RRM2B: variants seen among roughly 807,000 people sequenced by gnomAD.
The protein encoded by RRM2B is ribonucleotide reductase regulatory TP53 inducible subunit M2B.
Under a neutral mutation model 45.9 loss-of-function variants are expected in RRM2B, and 20 were observed. The ratio of observed to expected loss-of-function variants is 0.44; its 90% CI spans 0.31 to 0.63. The LOEUF is 0.63. Among genes scored for constraint, RRM2B ranks in the 30% least tolerant of loss-of-function variants. The pLI, the probability that RRM2B is intolerant of heterozygous loss-of-function variation, is 0.09. For missense variants in RRM2B, 320 were observed against 414.7 expected (o/e 0.77, Z 1.98); for synonymous variants, 124 against 132.3 (o/e 0.94, Z 0.43).
At position 102,204,528 on chromosome 8, in the gene RRM2B, G is replaced by A. The variant is rs1044024621; in HGVS notation, c.*3605C>T. The A allele has an allele frequency of 2.0e-5, 3 of 152,004 alleles. No homozygotes were observed. The highest frequency in any genetic ancestry group is 7.3e-5 in the African/African-American group (3 of 41,374). 9.4% of individuals were successfully genotyped at this position (152,004 alleles called of 1,614,324 possible). ...TAAGTATATACATTCCTTTATTAGG[G>A]TAGCCCTTGCACTTATAAAGAAACC... is the stretch of plus-strand genomic sequence containing the variant. On this transcript the variant is annotated 3_prime_UTR_variant, in exon 9 of 9. Coordinates refer to ENST00000251810, the MANE Select transcript of RRM2B (RefSeq NM_015713.5).
At chr8:102,225,765 T>C (rs1019858639) in intron 3 of RRM2B, among the ~76,000 whole-genome samples, 153 bp downstream of exon 3, 9 of 152,226 alleles carry the variant, frequency 5.9e-5, no homozygotes, top group Admixed American at 1.3e-4. Context: ...GGTCAAAGGA[T>C]AAGCAATTCA....
intron 2 of RRM2B, among the ~76,000 whole-genome samples, chr8:102,229,280 A>C (rs112017108): frequency 0.054 from 8,056 of 148,238 alleles, 292 homozygotes; most frequent in Admixed American, 0.096. Context: ...ACAACAAAAA[A>C]AAAAAAACCC....
chr8:102,231,945 C>T (rs1281045128), intron 2 of RRM2B, among the ~76,000 whole-genome samples: 3 of 151,766 alleles, frequency 2.0e-5, no homozygotes, highest in Non-Finnish European at 4.4e-5. Flanking sequence ...AATTAGATGC[C>T]ATTGTTGCAG....
intron 2 of RRM2B, among the ~76,000 whole-genome samples, chr8:102,228,059 T>C (rs1323753865): frequency 6.6e-6 from 1 of 152,122 alleles, no homozygotes; most frequent in Non-Finnish European, 1.5e-5. Flanking sequence ...TGTATTCCTG[T>C]TTTCCCACTA....
At chr8:102,214,734 TG>T (rs1265719569) in intron 6 of RRM2B, among the ~76,000 whole-genome samples, 2 of 140,060 alleles carry the variant, frequency 1.4e-5, no homozygotes, top group African/African-American at 5.3e-5. Context: ...CTGGGCAACA[TG>T]GCAAAACCCA....
chr8:102,238,961 TGGTCCGCTG>T, upstream of RRM2B: 1 of 1,421,366 alleles, frequency 7.0e-7, no homozygotes. Context: ...GGTGGTCCGC[TGGTCCGCTG>T]GGTCCGCCCC....
chr8:102,238,365 A>C (rs569310468), intron 1 of RRM2B: 3 of 395,594 alleles, frequency 7.6e-6, no homozygotes, highest in Non-Finnish European at 1.4e-5. Flanking sequence ...TCTACCTGTC[A>C]TCTTCACCCC....
intron 2 of RRM2B, among the ~76,000 whole-genome samples, chr8:102,229,387 A>C (rs1810990143): frequency 6.6e-6 from 1 of 152,092 alleles, no homozygotes. Context: ...TTTTCCCACT[A>C]ATTTATTCTT....
chr8:102,237,928 C>G (rs1487150502), intron 1 of RRM2B, among the ~76,000 whole-genome samples: 4 of 152,132 alleles, frequency 2.6e-5, no homozygotes, highest in Non-Finnish European at 5.9e-5. Context: ...GTTTGTTTCC[C>G]CCAAATCTTC....
intron 5 of RRM2B, among the ~76,000 whole-genome samples, chr8:102,220,225 G>A (rs937626546): frequency 1.3e-5 from 2 of 152,094 alleles, no homozygotes; most frequent in East Asian, 1.9e-4. Context: ...GCGACAGAGT[G>A]AGCCCATCTC....
rs1271219013 is a variant in RRM2B at position 102,204,646 on chromosome 8, G to T, written c.*3487C>A. The T allele has an allele frequency of 6.8e-6, 1 of 147,784 alleles. No homozygotes were observed. The highest frequency in any genetic ancestry group is 2.5e-5 in the African/African-American group (1 of 40,140). The allele number at this position is 147,784 out of a possible 1,614,324, so 9.2% of individuals were successfully genotyped here. ...AAATAAGAAAACAACTAATTTATTT[G>T]AAAAAAAAACAAATTCTGTACATGC... On this transcript the variant is annotated 3_prime_UTR_variant, in exon 9 of 9. Transcript: ENST00000251810.
At chr8:102,227,909 G>C (rs1028102307) in intron 2 of RRM2B, among the ~76,000 whole-genome samples, 10 of 152,058 alleles carry the variant, frequency 6.6e-5, no homozygotes, top group Admixed American at 6.5e-4. Context: ...ACCTCCCAAG[G>C]CTCCACCTCC....
At chr8:102,217,253 A>G (rs1217521128) in intron 6 of RRM2B, among the ~76,000 whole-genome samples, 1 of 152,106 alleles carries the variant, frequency 6.6e-6, no homozygotes, top group Non-Finnish European at 1.5e-5. Context: ...AATGATTAAA[A>G]TATGTTTATA....
chr8:102,210,884 C>G (rs1223666528), intron 8 of RRM2B, among the ~76,000 whole-genome samples: 2 of 152,284 alleles, frequency 1.3e-5, no homozygotes, highest in Middle Eastern at 3.4e-3. Context: ...TAGGAGTCAG[C>G]CACAAGGCCC....
At chr8:102,219,395 T>A (rs1810789406) in intron 5 of RRM2B, among the ~76,000 whole-genome samples, 1 of 152,204 alleles carries the variant, frequency 6.6e-6, no homozygotes, top group South Asian at 2.1e-4. Context: ...ACCTATGGTA[T>A]CTTACAGACC....
chr8:102,216,685 G>C (rs903071991), intron 6 of RRM2B, among the ~76,000 whole-genome samples: 1 of 151,900 alleles, frequency 6.6e-6, no homozygotes, highest in South Asian at 2.1e-4. Flanking sequence ...TATTGCACCA[G>C]TAATAAAGGC....
At chr8:102,211,218 A>T (rs1221342592) in intron 8 of RRM2B, among the ~76,000 whole-genome samples, 2 of 151,998 alleles carry the variant, frequency 1.3e-5, no homozygotes, top group Non-Finnish European at 2.9e-5. Flanking sequence ...CTGGTCTCAA[A>T]CTCCTAGACT....
At chr8:102,217,428 GA>G (rs1447725203) in intron 6 of RRM2B, among the ~76,000 whole-genome samples, 1 of 151,946 alleles carries the variant, frequency 6.6e-6, no homozygotes, top group Non-Finnish European at 1.5e-5. Context: ...TTAAAGCCAT[GA>G]AAAAGCAAAA....
intron 5 of RRM2B, among the ~76,000 whole-genome samples, chr8:102,220,898 C>T (rs958838670): frequency 2.6e-5 from 4 of 151,976 alleles, no homozygotes; most frequent in African/African-American, 9.7e-5. Flanking sequence ...AAGAGGGTTC[C>T]GGAACATTTC....
Sources: allele counts gnomAD v4.1 joint callset (sites outside exome capture counted in the v4.1 genomes callset), GRCh38; gene constraint gnomAD v4.1.1; transcripts MANE v1.5; gene names NCBI Gene and HGNC (gene_info 2026-07-23, HGNC 2026-07-21).